Variants in RAB28 observed in about 807,000 individuals in gnomAD.
The protein encoded by RAB28 is RAB28, member RAS oncogene family.
A neutral mutation model predicts 31.7 loss-of-function variants in RAB28; 24 were observed. The observed-to-expected ratio is 0.76, with a 90% CI of 0.55 to 1.06. The LOEUF (loss-of-function observed/expected upper bound fraction) is 1.06. RAB28 is among the 50% of genes least tolerant of loss of function. The pLI is 0.00. For missense variants in RAB28, 254 were observed against 258.5 expected (o/e 0.98, Z 0.12); for synonymous variants, 100 against 90.4 (o/e 1.11, Z -0.60).
chr4:13,474,219 AG>A (rs1259172321), intron 3 of RAB28, 98 bp downstream of exon 3: 1 of 848,756 alleles, frequency 1.2e-6, no homozygotes, highest in African/African-American at 1.7e-5. Context: ...ATAAAAAGTT[AG>A]AAAGAATGTG....
At chr4:13,383,762 C>G (rs1044398450) in intron 4 of RAB28, among the ~76,000 whole-genome samples, 1 of 152,164 alleles carries the variant, frequency 6.6e-6, no homozygotes, top group African/African-American at 2.4e-5. Flanking sequence ...GGGCAGTTCC[C>G]CTGCACATGC....
At chr4:13,468,347 T>C (rs979669735) in intron 3 of RAB28, among the ~76,000 whole-genome samples, 2 of 151,944 alleles carry the variant, frequency 1.3e-5, no homozygotes, top group East Asian at 3.9e-4. Context: ...CCATAAAATA[T>C]ACCTTAATAT....
Position 13,459,945 on chromosome 4 carries a change from A to C in RAB28, c.391+754T>G, listed in dbSNP as rs190275945. 21 of 1,272,708 alleles carry C rather than the reference A, an allele frequency of 1.7e-5. No homozygotes were observed. The East Asian group carries it at 1.2e-3, about 71-fold the overall frequency. The allele number at this position is 1,272,708 out of a possible 1,614,324, so 78.8% of individuals were successfully genotyped here. ...CCTAGACCACAGGAAGCCAAAACAC[A>C]CACTGTCAGAACTAAACTTACCTTC... On this transcript the variant is annotated intron_variant, in intron 4 of 6. Coordinates refer to ENST00000330852, the MANE Select transcript of RAB28 (RefSeq NM_001017979.3).
At chr4:13,468,916 A>T (rs1415378495) in intron 3 of RAB28, among the ~76,000 whole-genome samples, 1 of 152,006 alleles carries the variant, frequency 6.6e-6, no homozygotes, top group Non-Finnish European at 1.5e-5. Flanking sequence ...ATAGACATTA[A>T]AAAGATAATA....
intron 3 of RAB28, among the ~76,000 whole-genome samples, chr4:13,467,727 A>G (rs914036538): frequency 6.6e-6 from 1 of 152,004 alleles, no homozygotes; most frequent in Non-Finnish European, 1.5e-5. Flanking sequence ...GGGATAAGAA[A>G]CAAAGAACAT....
In RAB28 at chr4:13,452,042, GCTTT is replaced by G. The variant is rs1440782708; in HGVS notation, c.391+8653_391+8656del. On this transcript the variant is annotated intron_variant, in intron 4 of 6. Coordinates refer to ENST00000330852, the MANE Select transcript of RAB28 (RefSeq NM_001017979.3). Reference sequence around the variant, plus strand: ...AGTCAGATCTTCAGCTTGCTTGCTTGCTTTATTTATTTATTAAGCTCAAAACTGT... The same window carrying G: ...AGTCAGATCTTCAGCTTGCTTGCTTGATTTATTTATTAAGCTCAAAACTGT... Among the ~76,000 whole-genome samples, 3 of 151,730 alleles carry G rather than the reference GCTTT, an allele frequency of 2.0e-5. No individual in the cohort carries two copies. The South Asian group carries it at 6.2e-4, about 31-fold the overall frequency.
intron 4 of RAB28, among the ~76,000 whole-genome samples, chr4:13,451,768 G>A (rs1188389809): frequency 6.6e-6 from 1 of 151,754 alleles, no homozygotes; most frequent in East Asian, 1.9e-4. Flanking sequence ...TATTTGTATA[G>A]GGTGAGAGGT....
intron 5 of RAB28, among the ~76,000 whole-genome samples, chr4:13,378,678 T>C (rs1228772770): frequency 6.6e-6 from 1 of 152,076 alleles, no homozygotes; most frequent in Non-Finnish European, 1.5e-5. Flanking sequence ...CAAAGATAAA[T>C]GGGACTAGTA....
intron 4 of RAB28, among the ~76,000 whole-genome samples, chr4:13,400,918 A>C (rs1334482227): frequency 6.6e-6 from 1 of 152,184 alleles, no homozygotes; most frequent in African/African-American, 2.4e-5. Context: ...GATAAACTCC[A>C]CTTGGTCATA....
At chr4:13,397,893 A>G (rs1185917940) in intron 4 of RAB28, among the ~76,000 whole-genome samples, 2 of 152,124 alleles carry the variant, frequency 1.3e-5, no homozygotes, top group Non-Finnish European at 2.9e-5. Flanking sequence ...AATCACATAC[A>G]TATCCACAAA....
chr4:13,398,905 A>G (rs992699103), intron 4 of RAB28, among the ~76,000 whole-genome samples: 10 of 151,780 alleles, frequency 6.6e-5, no homozygotes, highest in Non-Finnish European at 1.5e-4. Flanking sequence ...ATGGGGAGAG[A>G]TAGAACATTA....
chr4:13,437,590 A>G (rs1013005943), intron 4 of RAB28, among the ~76,000 whole-genome samples: 42 of 152,126 alleles, frequency 2.8e-4, no homozygotes, highest in African/African-American at 8.7e-4. Context: ...CAGCCAACAA[A>G]CCTGAAAAAA....
At chr4:13,447,412 T>A (rs1714754034) in intron 4 of RAB28, among the ~76,000 whole-genome samples, 1 of 152,154 alleles carries the variant, frequency 6.6e-6, no homozygotes, top group South Asian at 2.1e-4. Flanking sequence ...CTTAGTTTCA[T>A]ATTTCTGAAC....
intron 6 of RAB28, chr4:13,371,574 C>T (rs1322685251): frequency 4.1e-6 from 4 of 985,126 alleles, no homozygotes; most frequent in Non-Finnish European, 4.8e-6. Flanking sequence ...AAGACAGCAT[C>T]ATTCTCAGGG....
At chr4:13,448,257 T>A (rs1714793872) in intron 4 of RAB28, among the ~76,000 whole-genome samples, 1 of 152,166 alleles carries the variant, frequency 6.6e-6, no homozygotes, top group African/African-American at 2.4e-5. Context: ...AGCTCTGTGT[T>A]CTTTATTTGA....
At chr4:13,410,042 AG>A (rs1323254456) in intron 4 of RAB28, among the ~76,000 whole-genome samples, 1 of 151,952 alleles carries the variant, frequency 6.6e-6, no homozygotes, top group African/African-American at 2.4e-5. Context: ...AAAAGTGTGT[AG>A]CACCTCCCCC....
intron 4 of RAB28, among the ~76,000 whole-genome samples, chr4:13,454,015 TTTC>T (rs1560138417): frequency 2.6e-5 from 4 of 152,220 alleles, no homozygotes; most frequent in Admixed American, 6.5e-5. Flanking sequence ...TCCTATACAT[TTTC>T]TTCATTTTTT....
chr4:13,389,956 T>A (rs555372914), intron 4 of RAB28, among the ~76,000 whole-genome samples: 113 of 152,328 alleles, frequency 7.4e-4, no homozygotes, highest in African/African-American at 2.6e-3. Flanking sequence ...AATGTCATAC[T>A]GAATGGGCAA....
Position 13,475,606 on chromosome 4 carries a change from T to C in RAB28, c.173-1200A>G, listed in dbSNP as rs138423770. On this transcript the variant is annotated intron_variant, in intron 2 of 6. Coordinates refer to ENST00000330852, the MANE Select transcript of RAB28 (RefSeq NM_001017979.3). ...TTACAATCTTTCCATTATTTAAACA[T>C]AGGTTGTTCCATCTGCCACTGCGCA... Among the ~76,000 whole-genome samples the C allele has an allele frequency of 4.5e-3, 689 of 151,672 alleles. 5 individuals carry two copies. Among genetic ancestry groups the C allele is most frequent in the African/African-American group, 0.016 (657 of 41,478 alleles).
Sources: gnomAD v4.1 joint callset for allele counts (sites outside exome capture counted in the v4.1 genomes callset) on GRCh38, gnomAD v4.1.1 for gene constraint, MANE v1.5 for transcripts, NCBI Gene and HGNC (gene_info 2026-07-23, HGNC 2026-07-21) for gene names.